The following CEP170 variants were observed in gnomAD, a reference collection of about 807,000 sequenced individuals.
CEP170 encodes centrosomal protein 170.
Under a neutral mutation model 151.9 loss-of-function variants are expected in CEP170, and 21 were observed. The ratio of observed to expected loss-of-function variants is 0.14; its 90% CI spans 0.10 to 0.20. The LOEUF (loss-of-function observed/expected upper bound fraction) is 0.20, where lower values mean the gene tolerates loss of function less well. CEP170 is among the 10% of genes least tolerant of loss of function. The probability of loss-of-function intolerance (pLI) is 1.00; values close to 1 mark genes in which losing one functional copy is unlikely to be tolerated. For missense variants in CEP170, 964 were observed against 1,892.9 expected (o/e 0.51, Z 9.11); for synonymous variants, 356 against 648.8 (o/e 0.55, Z 6.86).
Position 243,136,210 on chromosome 1 carries a change from G to A in CEP170, c.4252C>T (p.Leu1418=). Residue 1418 remains leucine (L), a synonymous_variant, in exon 17 of 20, where the codon CTG becomes TTG. Coordinates refer to ENST00000366542, the MANE Select transcript of CEP170 (RefSeq NM_014812.3). ...TTAGAGAACTGAAAGACGGATGACA[G>A]CAGCAGATTATCTCCCATGACCTGA... ...RDEVMGDNLL[L]SSVFQFSKKI... is the part of the protein sequence containing the mutation. 1 of 1,539,662 alleles carries A rather than the reference G, an allele frequency of 6.5e-7. No individual in the cohort carries two copies. The highest frequency in any genetic ancestry group is 8.8e-7 in the Non-Finnish European group (1 of 1,140,298).
intron 13 of CEP170, among the ~76,000 whole-genome samples, chr1:243,158,047 T>C (rs934835187): frequency 6.6e-6 from 1 of 152,192 alleles, no homozygotes; most frequent in African/African-American, 2.4e-5. Flanking sequence ...TTTATTAACA[T>C]AGATAATACT....
intron 3 of CEP170, among the ~76,000 whole-genome samples, chr1:243,214,365 A>G (rs1487548184): frequency 2.1e-5 from 3 of 143,632 alleles, no homozygotes; most frequent in Non-Finnish European, 4.5e-5. Context: ...AGCTCACTAC[A>G]ACTTCTGCCT....
intron 3 of CEP170, among the ~76,000 whole-genome samples, chr1:243,217,211 A>G (rs7518350): frequency 0.35 from 52,501 of 152,090 alleles, 9,271 homozygotes; most frequent in South Asian, 0.55. Flanking sequence ...TATGGGATGC[A>G]TGACTCTAAT....
At chr1:243,228,610 G>A (rs183464119) in intron 1 of CEP170, among the ~76,000 whole-genome samples, 7 of 152,256 alleles carry the variant, frequency 4.6e-5, no homozygotes, top group Admixed American at 3.9e-4. Context: ...ACAGTTACAC[G>A]TTTACTCAAG....
At chr1:243,254,809 G>A (rs1277894832) in intron 1 of CEP170, among the ~76,000 whole-genome samples, 1 of 151,288 alleles carries the variant, frequency 6.6e-6, no homozygotes, top group African/African-American at 2.4e-5. Flanking sequence ...GTGGGGGATG[G>A]GAAGGGTGGT....
intron 7 of CEP170, among the ~76,000 whole-genome samples, chr1:243,197,244 C>G (rs2060718826): frequency 6.6e-6 from 1 of 152,004 alleles, no homozygotes; most frequent in Non-Finnish European, 1.5e-5. Context: ...GAAGGGAACA[C>G]TCAAAATTTA....
intron 1 of CEP170, among the ~76,000 whole-genome samples, chr1:243,231,614 T>C (rs2063767275): frequency 1.3e-5 from 2 of 152,302 alleles, no homozygotes; most frequent in East Asian, 1.9e-4. Flanking sequence ...ACTAAATTGA[T>C]ATATTCAAAC....
At chr1:243,150,768 T>C (rs185175820) in intron 14 of CEP170, among the ~76,000 whole-genome samples, 1 of 152,364 alleles carries the variant, frequency 6.6e-6, no homozygotes, top group Non-Finnish European at 1.5e-5. Flanking sequence ...CTCTTAAATA[T>C]AACATTTATT....
intron 2 of CEP170, among the ~76,000 whole-genome samples, chr1:243,224,291 G>T (rs2063053059): frequency 6.6e-6 from 1 of 152,008 alleles, no homozygotes; most frequent in South Asian, 2.1e-4. Context: ...TTTTGACCAG[G>T]CCCTTTTTTT....
rs1339035 is a variant in CEP170 at position 243,211,868 on chromosome 1, A to G, written c.274+18T>C. 3.7e-6 allele frequency: 6 copies of G among 1,601,154 alleles called. No homozygotes were observed. On this transcript the variant is annotated intron_variant, in intron 4 of 19. Coordinates refer to ENST00000366542, the MANE Select transcript of CEP170 (RefSeq NM_014812.3). ...ATTTGAATAAATTTAATAAGTACAT[A>G]AAACCATTTAAGGATATCATATCCA...
Position 243,156,180 on chromosome 1 carries a change from T to C in CEP170, c.3911+41A>G, listed in dbSNP as rs768123269. ...CTTTGTTACCAAGTTGTAATGTTCA[T>C]AGAAATTTTGAATTCTTAAAGATAA... On this transcript the variant is annotated intron_variant, in intron 14 of 19. Transcript: ENST00000366542. 14 of 1,545,440 alleles carry C rather than the reference T, an allele frequency of 9.1e-6. No homozygotes were observed. In the African/African-American group the frequency reaches 1.1e-4, roughly 12 times the overall value.
intron 1 of CEP170, among the ~76,000 whole-genome samples, chr1:243,250,280 A>G (rs563712634): frequency 8.5e-5 from 13 of 152,320 alleles, no homozygotes; most frequent in Admixed American, 8.5e-4. Flanking sequence ...TGGCTTGTTG[A>G]ATTTATAAAT....
chr1:243,212,971 T>C (rs1361817212), intron 3 of CEP170, among the ~76,000 whole-genome samples: 18 of 152,212 alleles, frequency 1.2e-4, no homozygotes, highest in Non-Finnish European at 2.6e-4. Flanking sequence ...GGCCAAATTA[T>C]ATTTTCTAGT....
intron 18 of CEP170, chr1:243,128,518 G>A (rs1471914586): frequency 4.0e-6 from 2 of 501,076 alleles, no homozygotes; most frequent in African/African-American, 4.1e-5. Context: ...AACTTTTTCA[G>A]TGAGATGATT....
intron 1 of CEP170, among the ~76,000 whole-genome samples, chr1:243,240,038 C>A (rs1038812263): frequency 1.8e-4 from 28 of 152,246 alleles, no homozygotes; most frequent in African/African-American, 6.3e-4. Flanking sequence ...AATATGAATA[C>A]AATCTGGCCG....
chr1:243,251,234 C>T (rs2065908470), intron 1 of CEP170, among the ~76,000 whole-genome samples: 1 of 152,014 alleles, frequency 6.6e-6, no homozygotes. Context: ...GAAGTTGGAC[C>T]CAATAACATC....
At chr1:243,145,559 C>T (rs2056373464) in intron 14 of CEP170, among the ~76,000 whole-genome samples, 1 of 152,228 alleles carries the variant, frequency 6.6e-6, no homozygotes, top group Non-Finnish European at 1.5e-5. Flanking sequence ...AGGCGTGAGC[C>T]ACTACGCCCA....
intron 4 of CEP170, among the ~76,000 whole-genome samples, chr1:243,210,075 A>C (rs2061681182): frequency 6.6e-6 from 1 of 152,214 alleles, no homozygotes; most frequent in Non-Finnish European, 1.5e-5. Context: ...CACTAAGTGC[A>C]CAACTCTGAG....
chr1:243,215,430 T>C (rs960586584), intron 3 of CEP170, among the ~76,000 whole-genome samples: 1 of 152,096 alleles, frequency 6.6e-6, no homozygotes, highest in African/African-American at 2.4e-5. Flanking sequence ...GGAACAGCCC[T>C]GAGAAAGAGA....
Sources: gnomAD v4.1 joint callset for allele counts (sites outside exome capture counted in the v4.1 genomes callset) on GRCh38, gnomAD v4.1.1 for gene constraint, MANE v1.5 for transcripts, NCBI Gene and HGNC (gene_info 2026-07-23, HGNC 2026-07-21) for gene names.